PRRC2C: variants seen among roughly 807,000 people sequenced by gnomAD.
PRRC2C encodes proline rich coiled-coil 2C.
Under a neutral mutation model 317.2 loss-of-function variants are expected in PRRC2C, and 72 were observed. The ratio of observed to expected loss-of-function variants is 0.23; its 90% CI spans 0.19 to 0.28. PRRC2C has a LOEUF of 0.28. PRRC2C is among the 10% of genes least tolerant of loss of function. The pLI is 1.00. For synonymous variants in PRRC2C, 1,296 were observed against 1,205.9 expected, an observed-to-expected ratio of 1.07 and a Z score of -1.55; for missense variants, 3,074 against 3,459.7, an observed-to-expected ratio of 0.89 and a Z score of 2.80.
In PRRC2C at chr1:171,568,316, A is replaced by G; in HGVS notation, c.6628A>G (p.Met2210Val). 1 of 1,605,894 alleles carries G rather than the reference A, an allele frequency of 6.2e-7. No homozygotes were observed. The highest frequency in any genetic ancestry group is 1.1e-5 in the South Asian group (1 of 89,342). The part of the protein sequence containing the change: ...PNTVATNNTK[M>V]EDTLVNNVPL... The stretch of plus-strand genomic sequence containing the variant: ...CACCGTGGCTACTAATAATACAAAG[A>G]TGGAGGATACTTTGGTTAATAATGT... Residue 2210 changes from methionine to valine, a missense_variant, in exon 23 of 35, where the codon ATG becomes GTG. Met to Val is a conservative substitution (Grantham distance 21). Around this residue, in one of 11 missense-constraint regions of PRRC2C, gnomAD observed 640 missense variants for 676.1 expected, o/e 0.95. Coordinates refer to ENST00000647382, the MANE Select transcript of PRRC2C (RefSeq NM_001387844.1).
At chr1:171,579,749 A>G in intron 27 of PRRC2C, 79 bp from the exon 28 acceptor site, 2 of 1,434,870 alleles carry the variant, frequency 1.4e-6, no homozygotes, top group Non-Finnish European at 1.9e-6. Context: ...TCATGTCTCA[A>G]ATTTTTATAT....
chr1:171,593,465 ACATGGGT>A lies in PRRC2C; in HGVS notation c.*1619_*1625del, dbSNP rs1244927337. On this transcript the variant is annotated 3_prime_UTR_variant, in exon 35 of 35. Transcript: ENST00000647382. ...GTATTAAATATGTAAGGTCTTATCT[ACATGGGT>A]TTGATTACAGAAACTAATAAAGTAT... 1 of 152,100 alleles carries A rather than the reference ACATGGGT, an allele frequency of 6.6e-6. No individual in the cohort carries two copies. Among genetic ancestry groups the A allele is most frequent in the Non-Finnish European group, 1.5e-5 (1 of 68,012 alleles). The allele number at this position is 152,100 out of a possible 1,614,324, so 9.4% of individuals were successfully genotyped here.
chr1:171,543,122 C>T (rs1678298289), intron 16 of PRRC2C, among the ~76,000 whole-genome samples: 1 of 150,932 alleles, frequency 6.6e-6, no homozygotes, highest in African/African-American at 2.4e-5. Context: ...GTAATCCCAG[C>T]ACTTTGGGAG....
chr1:171,589,741 T>C (rs1483088622), intron 34 of PRRC2C, 136 bp downstream of exon 34: 1 of 436,966 alleles, frequency 2.3e-6, no homozygotes, highest in Non-Finnish European at 3.6e-6. Context: ...CTTTTATTCA[T>C]TCCCCCTTTT....
In PRRC2C at chr1:171,580,162, T is replaced by C. The variant is rs187874168; in HGVS notation, c.7409+198T>C. ...ATTTCAACCATATCTTATTAAAGAA[T>C]GTCAGGTTTCAAACCCTCTTGAAGT... On this transcript the variant is annotated intron_variant, in intron 28 of 34. Coordinates refer to ENST00000647382, the MANE Select transcript of PRRC2C (RefSeq NM_001387844.1). 7.9e-5 allele frequency among the ~76,000 whole-genome samples: 12 copies of C among 152,308 alleles called. No individual in the cohort carries two copies. The East Asian group carries it at 1.9e-3, about 24-fold the overall frequency.
intron 1 of PRRC2C, among the ~76,000 whole-genome samples, chr1:171,505,620 AAG>A (rs1205895242): frequency 6.6e-6 from 1 of 152,154 alleles, no homozygotes; most frequent in African/African-American, 2.4e-5. Flanking sequence ...AAGAAGTGTT[AAG>A]AGAGAGTGGA....
intron 1 of PRRC2C, among the ~76,000 whole-genome samples, chr1:171,494,561 C>G (rs1305766718): frequency 6.6e-6 from 1 of 152,084 alleles, no homozygotes; most frequent in Non-Finnish European, 1.5e-5. Flanking sequence ...TTACTCAAAG[C>G]AAGAATTATC....
chr1:171,589,742 T>TC (rs1650936057), intron 34 of PRRC2C, 137 bp downstream of exon 34: 1 of 437,018 alleles, frequency 2.3e-6, no homozygotes. Context: ...TTTTATTCAT[T>TC]CCCCCTTTTT....
Position 171,566,679 on chromosome 1 carries a change from G to A in PRRC2C, c.6394G>A (p.Asp2132Asn). Reference sequence around the variant, plus strand: ...TTCATTAAAAAATAGAAAAGTAAAAGATGCCCAACAGGTGGAGCCAGAAGG... The same window carrying A: ...TTCATTAAAAAATAGAAAAGTAAAAAATGCCCAACAGGTGGAGCCAGAAGG... ...ERSLKNRKVK[D>N]AQQVEPEGQE... Residue 2132 changes from aspartate (D) to asparagine (N), a missense_variant, in exon 22 of 35, where the codon GAT (aspartate) becomes AAT (asparagine). Coordinates refer to ENST00000647382, the MANE Select transcript of PRRC2C (RefSeq NM_001387844.1). The A allele has an allele frequency of 6.2e-7, 1 of 1,612,498 alleles. No individual in the cohort carries two copies. The highest frequency in any genetic ancestry group is 8.5e-7 in the Non-Finnish European group (1 of 1,179,160).
chr1:171,546,185 T>C (rs971869840), intron 17 of PRRC2C, among the ~76,000 whole-genome samples: 3 of 152,082 alleles, frequency 2.0e-5, no homozygotes, highest in Admixed American at 6.6e-5. Flanking sequence ...CATGAAGTAA[T>C]AGAGGATCAA....
At chr1:171,522,081 T>C (rs2102338994) in intron 6 of PRRC2C, 96 bp from the exon 7 acceptor site, 2 of 492,604 alleles carry the variant, frequency 4.1e-6, no homozygotes, top group African/African-American at 4.0e-5. Context: ...TTATAAATTG[T>C]AACTTCAGGC....
At chr1:171,539,237 G>T in intron 15 of PRRC2C, among the ~76,000 whole-genome samples, 1 of 151,778 alleles carries the variant, frequency 6.6e-6, no homozygotes, top group Admixed American at 6.6e-5. Context: ...CCGACCTCAG[G>T]TGATCCGCCC....
intron 11 of PRRC2C, among the ~76,000 whole-genome samples, chr1:171,530,648 G>A (rs950124369): frequency 5.9e-5 from 9 of 151,968 alleles, no homozygotes; most frequent in African/African-American, 2.2e-4. Flanking sequence ...TGTAAGAATG[G>A]CCAGTATGCA....
chr1:171,552,275 G>C (rs1468696804), intron 18 of PRRC2C, among the ~76,000 whole-genome samples: 1 of 152,070 alleles, frequency 6.6e-6, no homozygotes, highest in Non-Finnish European at 1.5e-5. Context: ...TCTGTTATTG[G>C]TGTATAGGAA....
chr1:171,581,571 C>T lies in PRRC2C; in HGVS notation c.7409+1607C>T, dbSNP rs893253084. Among the ~76,000 whole-genome samples the T allele has an allele frequency of 1.4e-4, 21 of 152,234 alleles. No homozygotes were observed. In the East Asian group the frequency reaches 3.5e-3, roughly 25 times the overall value. ...CACTTGGCTACCACATTGGAAAGTA[C>T]AGGTTTAGATTTTGAAAGCAGTTAT... On this transcript the variant is annotated intron_variant, in intron 28 of 34. Coordinates refer to ENST00000647382, the MANE Select transcript of PRRC2C (RefSeq NM_001387844.1).
Position 171,546,832 on chromosome 1 carries a change from G to A in PRRC2C, c.4972+1145G>A, listed in dbSNP as rs185979679. ...GGGTTTTCGCCATGTTGTCCAGGTCGGTCCGGAACTCCTGAGCTTAAGCCA... is the reference window on the plus strand; with the variant it reads ...GGGTTTTCGCCATGTTGTCCAGGTCAGTCCGGAACTCCTGAGCTTAAGCCA... On this transcript the variant is annotated intron_variant, in intron 17 of 34. Coordinates refer to ENST00000647382, the MANE Select transcript of PRRC2C (RefSeq NM_001387844.1). Among the ~76,000 whole-genome samples, 29 of 151,504 alleles carry A rather than the reference G, an allele frequency of 1.9e-4. No individual in the cohort carries two copies. The East Asian group carries it at 2.9e-3, about 15-fold the overall frequency.
chr1:171,493,983 A>G (rs1295185205), intron 1 of PRRC2C, among the ~76,000 whole-genome samples: 1 of 152,252 alleles, frequency 6.6e-6, no homozygotes, highest in Admixed American at 6.5e-5. Context: ...TAGCCCACCC[A>G]GGTGAGGAAG....
intron 11 of PRRC2C, among the ~76,000 whole-genome samples, chr1:171,531,983 A>G (rs997266189): frequency 4.0e-5 from 6 of 151,880 alleles, no homozygotes; most frequent in South Asian, 4.2e-4. Flanking sequence ...AGACATTCCA[A>G]CTCTGGCAGC....
At chr1:171,502,153 C>G (rs1669218054) in intron 1 of PRRC2C, among the ~76,000 whole-genome samples, 1 of 152,186 alleles carries the variant, frequency 6.6e-6, no homozygotes, top group South Asian at 2.1e-4. Flanking sequence ...CAAAATGTGA[C>G]TTTTGCCTAC....
Sources: allele counts gnomAD v4.1 joint callset (sites outside exome capture counted in the v4.1 genomes callset), GRCh38; gene constraint gnomAD v4.1.1; regional missense constraint gnomAD v4.1.1; transcripts MANE v1.5; gene names NCBI Gene and HGNC (gene_info 2026-07-23, HGNC 2026-07-21).